Variants in EMILIN2 observed in about 807,000 individuals in gnomAD.
The protein encoded by EMILIN2 is EMILIN-2.
In EMILIN2, 71 loss-of-function variants were observed where a neutral mutation model predicts 87.1. That is an observed-to-expected ratio of 0.82 (90% CI 0.67 to 0.99). The LOEUF (loss-of-function observed/expected upper bound fraction) is 0.99. Among genes scored for constraint, EMILIN2 ranks in the 50% least tolerant of loss-of-function variants. The pLI is 0.00. For missense variants in EMILIN2, 1,407 were observed against 1,371.8 expected, an observed-to-expected ratio of 1.03 and a Z score of -0.40; for synonymous variants, 581 against 563.4, an observed-to-expected ratio of 1.03 and a Z score of -0.44.
intron 2 of EMILIN2, among the ~76,000 whole-genome samples, chr18:2,864,260 A>G (rs1362145332): frequency 1.3e-5 from 2 of 152,140 alleles, no homozygotes; most frequent in African/African-American, 4.8e-5. Context: ...TCATCCTGTC[A>G]TTATGTTGTT....
intron 2 of EMILIN2, among the ~76,000 whole-genome samples, chr18:2,861,759 A>G (rs2076662245): frequency 6.6e-6 from 1 of 152,154 alleles, no homozygotes; most frequent in African/African-American, 2.4e-5. Flanking sequence ...GTTTTTTCCA[A>G]TTCTGTGAAG....
intron 2 of EMILIN2, among the ~76,000 whole-genome samples, chr18:2,881,138 C>G (rs961880251): frequency 6.6e-6 from 1 of 152,168 alleles, no homozygotes; most frequent in Non-Finnish European, 1.5e-5. Context: ...TCCACCTCCC[C>G]CTGAGCTCCC....
intron 2 of EMILIN2, among the ~76,000 whole-genome samples, chr18:2,873,340 G>A (rs954846014): frequency 6.6e-6 from 1 of 152,156 alleles, no homozygotes; most frequent in Non-Finnish European, 1.5e-5. Context: ...AACCCAGGAG[G>A]CAGAGATTGC....
Position 2,891,047 on chromosome 18 carries a change from C to G in EMILIN2, c.920C>G (p.Thr307Ser). 6.2e-7 allele frequency: 1 copy of G among 1,614,184 alleles called. No individual in the cohort carries two copies. The highest frequency in any genetic ancestry group is 8.5e-7 in the Non-Finnish European group (1 of 1,180,036). Residue 307 changes from threonine (T) to serine (S), a missense_variant, in exon 4 of 8, where the codon ACC (threonine) becomes AGC (serine). Physicochemically the swap from Thr to Ser is moderately conservative, Grantham distance 58. Transcript: ENST00000254528. The surrounding 1 kb of genome is among the most constrained non-coding windows in gnomAD (Gnocchi z 4.6). Reference sequence around the variant, plus strand: ...GAAGCAGCTCAGGGCCCGACGGTGACCATGACAACCAACGAACTCTACCAA... The same window carrying G: ...GAAGCAGCTCAGGGCCCGACGGTGAGCATGACAACCAACGAACTCTACCAA... ...LQEAAQGPTV[T>S]MTTNELYQAY...
intron 2 of EMILIN2, among the ~76,000 whole-genome samples, chr18:2,858,569 A>ATATATATATATATATGTG (rs1305555851): frequency 1.8e-5 from 1 of 55,376 alleles, no homozygotes; most frequent in African/African-American, 1.2e-4. Flanking sequence ...ATATATATAT[A>ATATATATATATATATGTG]TGTGTGTGTG....
chr18:2,860,133 C>T (rs2076653041), intron 2 of EMILIN2, among the ~76,000 whole-genome samples: 1 of 152,086 alleles, frequency 6.6e-6, no homozygotes, highest in African/African-American at 2.4e-5. Flanking sequence ...ATGGGAATTG[C>T]ATTGAATTTG....
chr18:2,913,202 G>C lies in EMILIN2; in HGVS notation c.2960G>C (p.Arg987Thr), dbSNP rs1251257689. 1 of 1,613,906 alleles carries C rather than the reference G, an allele frequency of 6.2e-7. No homozygotes were observed. ...CAGCTGCATACCGCTGGGTACAGGA[G>C]AGAGTTCCTGGAATACCACCGCCCT... ...VAQLHTAGYR[R>T]EFLEYHRPPG... The change falls in exon 8 of 8, where the codon AGA becomes ACA. Residue 987 changes from arginine to threonine, a missense_variant. Arg to Thr is a moderately conservative substitution (Grantham distance 71). Transcript: ENST00000254528.
chr18:2,911,213 T>C (rs964731707), intron 7 of EMILIN2, among the ~76,000 whole-genome samples: 5 of 152,180 alleles, frequency 3.3e-5, no homozygotes, highest in African/African-American at 1.2e-4. Context: ...TTGGCATGCT[T>C]CCAGGGTTGC....
Position 2,848,085 on chromosome 18 carries a change from G to A in EMILIN2, c.257+154G>A, listed in dbSNP as rs935675044. 1.4e-4 allele frequency among the ~76,000 whole-genome samples: 22 copies of A among 152,196 alleles called. No individual in the cohort carries two copies. The highest frequency in any genetic ancestry group is 3.1e-4 in the Non-Finnish European group (21 of 68,022). On this transcript the variant is annotated intron_variant, in intron 2 of 7. Transcript: ENST00000254528. The surrounding 1 kb of genome is among the most constrained non-coding windows in gnomAD (Gnocchi z 4.1). ...GGAAAAGCGCTCCGAGCGCTCGCGG[G>A]GCACCGGCCACGCTGGGCTATTTAG...
intron 4 of EMILIN2, among the ~76,000 whole-genome samples, chr18:2,901,546 T>C (rs1327783261): frequency 1.3e-5 from 2 of 152,202 alleles, no homozygotes; most frequent in Non-Finnish European, 2.9e-5. Flanking sequence ...GGTTCACCCA[T>C]GGTGAGGCTG....
At chr18:2,882,899 T>G (rs1250054629) in intron 2 of EMILIN2, among the ~76,000 whole-genome samples, 5 of 150,108 alleles carry the variant, frequency 3.3e-5, no homozygotes, top group Non-Finnish European at 7.4e-5. Flanking sequence ...AAAAAAAATA[T>G]GACCCAGGCA....
intron 2 of EMILIN2, among the ~76,000 whole-genome samples, chr18:2,867,262 T>C (rs1240997875): frequency 1.3e-5 from 2 of 152,114 alleles, no homozygotes; most frequent in African/African-American, 2.4e-5. Context: ...ATAGTGTCAA[T>C]AGGATTGGTA....
intron 4 of EMILIN2, among the ~76,000 whole-genome samples, chr18:2,892,945 G>A (rs964513570): frequency 4.0e-5 from 6 of 151,238 alleles, no homozygotes; most frequent in East Asian, 1.9e-4. Flanking sequence ...CCAGCTAGTC[G>A]GGAGGCTGAG....
intron 6 of EMILIN2, 92 bp from the exon 7 acceptor site, chr18:2,909,599 T>G: frequency 1.3e-6 from 2 of 1,507,828 alleles, no homozygotes; most frequent in Non-Finnish European, 1.8e-6. Flanking sequence ...GCCTGGCACC[T>G]GGGCCTGGCA....
intron 2 of EMILIN2, among the ~76,000 whole-genome samples, chr18:2,874,525 C>T (rs1682218772): frequency 1.3e-5 from 2 of 152,164 alleles, no homozygotes; most frequent in South Asian, 2.1e-4. Context: ...TCCCTCCAGG[C>T]CTGGAGGTGG....
intron 4 of EMILIN2, among the ~76,000 whole-genome samples, chr18:2,892,735 T>C (rs1261134863): frequency 6.6e-6 from 1 of 151,332 alleles, no homozygotes; most frequent in Non-Finnish European, 1.5e-5. Context: ...ATATTCTCAG[T>C]GTTAATATTT....
At chr18:2,900,168 A>G (rs2144055880) in intron 4 of EMILIN2, among the ~76,000 whole-genome samples, 1 of 151,922 alleles carries the variant, frequency 6.6e-6, no homozygotes, top group South Asian at 2.1e-4. Flanking sequence ...CAAAAACAGC[A>G]TTCATTCATT....
intron 4 of EMILIN2, among the ~76,000 whole-genome samples, chr18:2,897,604 G>A (rs1371250710): frequency 6.6e-6 from 1 of 152,198 alleles, no homozygotes; most frequent in Admixed American, 6.5e-5. Flanking sequence ...GGTGGCTCAT[G>A]CCTGTAATCC....
At chr18:2,899,558 G>A (rs1184791389) in intron 4 of EMILIN2, among the ~76,000 whole-genome samples, 1 of 151,942 alleles carries the variant, frequency 6.6e-6, no homozygotes, top group East Asian at 1.9e-4. Context: ...AGGCTGGAGT[G>A]CAGTGGCACA....
Sources: gnomAD v4.1 joint callset for allele counts (sites outside exome capture counted in the v4.1 genomes callset) on GRCh38, gnomAD v4.1.1 for gene constraint, Gnocchi (gnomAD v3.1) non-coding constraint, MANE v1.5 for transcripts, NCBI Gene and HGNC (gene_info 2026-07-23, HGNC 2026-07-21) for gene names.